Variants in LTBP1 observed in about 807,000 individuals in gnomAD.
The protein encoded by LTBP1 is latent transforming growth factor beta binding protein 1.
In LTBP1, 129 loss-of-function variants were observed where a neutral mutation model predicts 207.6. The ratio of observed to expected loss-of-function variants is 0.62; its 90% CI spans 0.54 to 0.72. The LOEUF (loss-of-function observed/expected upper bound fraction) is 0.72, where lower values mean the gene tolerates loss of function less well. Among genes scored for constraint, LTBP1 ranks in the 30% least tolerant of loss-of-function variants. The pLI is 0.00. For synonymous variants in LTBP1, 963 were observed against 833.7 expected (o/e 1.16, Z -2.67); for missense variants, 2,281 against 2,217.2 (o/e 1.03, Z -0.58).
At chr2:33,124,995 G>C (rs961277354) in intron 4 of LTBP1, among the ~76,000 whole-genome samples, 2 of 152,164 alleles carry the variant, frequency 1.3e-5, no homozygotes, top group African/African-American at 4.8e-5. Context: ...TGTTCTGTAG[G>C]AGTGTTGTGA....
At chr2:33,030,182 A>G (rs2075625767) in intron 3 of LTBP1, among the ~76,000 whole-genome samples, 1 of 152,202 alleles carries the variant, frequency 6.6e-6, no homozygotes, top group African/African-American at 2.4e-5. Context: ...AAGCCTCTTT[A>G]TGCAGCAGCT....
chr2:33,041,525 A>G (rs1489064221), intron 3 of LTBP1, among the ~76,000 whole-genome samples: 1 of 152,098 alleles, frequency 6.6e-6, no homozygotes, highest in Non-Finnish European at 1.5e-5. Context: ...CTTGTGATCC[A>G]CCTGCCTCTG....
intron 24 of LTBP1, among the ~76,000 whole-genome samples, chr2:33,335,157 T>C (rs2094540411): frequency 1.3e-5 from 2 of 148,422 alleles, no homozygotes; most frequent in Admixed American, 1.3e-4. Flanking sequence ...TTGAAAGTAG[T>C]ACATCTCCAT....
chr2:33,325,776 T>C (rs1198513210), intron 24 of LTBP1, among the ~76,000 whole-genome samples: 1 of 152,190 alleles, frequency 6.6e-6, no homozygotes, highest in African/African-American at 2.4e-5. Context: ...ATAATGGAGC[T>C]AAAACACTCC....
At chr2:32,961,252 C>T (rs1331611546) in intron 2 of LTBP1, among the ~76,000 whole-genome samples, 2 of 152,142 alleles carry the variant, frequency 1.3e-5, no homozygotes, top group African/African-American at 4.8e-5. Flanking sequence ...GACTGGACCT[C>T]CGGGTCTCTG....
intron 2 of LTBP1, among the ~76,000 whole-genome samples, chr2:32,993,729 G>A (rs1408389675): frequency 6.6e-6 from 1 of 152,168 alleles, no homozygotes; most frequent in African/African-American, 2.4e-5. Context: ...GGGAACCCAA[G>A]AAGGGAAGCG....
At chr2:33,127,864 G>A (rs572939201) in intron 4 of LTBP1, among the ~76,000 whole-genome samples, 2 of 152,286 alleles carry the variant, frequency 1.3e-5, no homozygotes, top group East Asian at 1.9e-4. Context: ...CATGAGTGAG[G>A]TGTCTGAGTG....
chr2:33,202,852 TG>T (rs921235863), intron 7 of LTBP1, among the ~76,000 whole-genome samples: 2 of 152,202 alleles, frequency 1.3e-5, no homozygotes, highest in African/African-American at 2.4e-5. Context: ...GGGCAGTGAC[TG>T]GGGAAGGTGA....
rs570445139 is a variant in LTBP1, at chr2:33,397,361, T to G, written c.4984+79T>G. On this transcript the variant is annotated intron_variant, in intron 33 of 33. Transcript: ENST00000404816. ...CTCAGTCAGTAGAGAACATTTAAGATAGATTTGCTGAGTTTCAGTTTGAGA... is the reference window on the plus strand; with the variant it reads ...CTCAGTCAGTAGAGAACATTTAAGAGAGATTTGCTGAGTTTCAGTTTGAGA... The G allele has an allele frequency of 5.2e-6, 8 of 1,530,370 alleles. No homozygotes were observed. The East Asian group carries it at 1.8e-4, about 35-fold the overall frequency. 94.8% of individuals were successfully genotyped at this position (1,530,370 alleles called of 1,614,324 possible). A position where few individuals can be genotyped will look rare whatever the true frequency, so the allele number is the denominator to read the frequency against.
intron 31 of LTBP1, among the ~76,000 whole-genome samples, chr2:33,370,374 G>A (rs1326426416): frequency 1.3e-5 from 2 of 152,156 alleles, no homozygotes; most frequent in African/African-American, 4.8e-5. Context: ...ACATTAATGG[G>A]CATGTCAGTT....
chr2:33,265,409 A>G (rs1008901934), intron 15 of LTBP1, among the ~76,000 whole-genome samples: 2 of 152,240 alleles, frequency 1.3e-5, no homozygotes, highest in African/African-American at 4.8e-5. Flanking sequence ...GTGGTTACCT[A>G]TCACAGACAA....
chr2:33,378,065 T>C (rs906601279), intron 31 of LTBP1, among the ~76,000 whole-genome samples: 6 of 152,150 alleles, frequency 3.9e-5, no homozygotes, highest in African/African-American at 1.4e-4. Context: ...TCTTAGCAGT[T>C]TTACCTTTCT....
chr2:33,127,859 G>A (rs773665924), intron 4 of LTBP1, among the ~76,000 whole-genome samples: 1 of 152,178 alleles, frequency 6.6e-6, no homozygotes, highest in African/African-American at 2.4e-5. Context: ...AACTGCATGA[G>A]TGAGGTGTCT....
chr2:33,063,115 A>C (rs1279595240), intron 3 of LTBP1: 2 of 152,206 alleles, frequency 1.3e-5, no homozygotes, highest in Non-Finnish European at 2.9e-5. Context: ...TCTTCAAATC[A>C]AGTTGTGTAA....
intron 2 of LTBP1, among the ~76,000 whole-genome samples, chr2:33,015,700 A>G (rs772127133): frequency 8.5e-5 from 13 of 152,222 alleles, no homozygotes; most frequent in Non-Finnish European, 8.8e-5. Context: ...GGCGATTTAT[A>G]AAGAAAAGAG....
intron 3 of LTBP1, among the ~76,000 whole-genome samples, chr2:33,037,513 A>C (rs931269452): frequency 2.0e-5 from 3 of 152,174 alleles, no homozygotes; most frequent in Admixed American, 2.0e-4. Flanking sequence ...CTTATTATTT[A>C]GTCATATTTT....
intron 8 of LTBP1, among the ~76,000 whole-genome samples, chr2:33,219,953 G>A (rs2090992646): frequency 6.6e-6 from 1 of 151,960 alleles, no homozygotes; most frequent in Admixed American, 6.6e-5. Flanking sequence ...ACTGATGTCT[G>A]TGGTTTGTGA....
chr2:33,274,924 C>G, intron 16 of LTBP1, 41 bp from the exon 17 acceptor site: 1 of 1,595,088 alleles, frequency 6.3e-7, no homozygotes. Context: ...TAAGTTCTTG[C>G]TACACAGAAC....
chr2:33,092,076 T>C (rs1219947285), intron 3 of LTBP1, among the ~76,000 whole-genome samples: 3 of 152,152 alleles, frequency 2.0e-5, no homozygotes, highest in African/African-American at 7.2e-5. Context: ...CAAATTGTAG[T>C]AGTAGGTAAT....
Sources: allele counts gnomAD v4.1 joint callset (sites outside exome capture counted in the v4.1 genomes callset), GRCh38; gene constraint gnomAD v4.1.1; transcripts MANE v1.5; gene names NCBI Gene and HGNC (gene_info 2026-07-23, HGNC 2026-07-21).